The following SPECC1 variants were observed in gnomAD, a reference collection of about 807,000 sequenced individuals.
SPECC1 encodes sperm antigen with calponin homology and coiled-coil domains 1.
SPECC1 carries 62 observed loss-of-function variants against 104.1 expected under a neutral mutation model. The observed-to-expected ratio is 0.60, with a 90% CI of 0.49 to 0.74. SPECC1 has a LOEUF of 0.74. SPECC1 is among the 30% of genes least tolerant of loss of function. The pLI, the probability that SPECC1 is intolerant of heterozygous loss-of-function variation, is 0.00. For missense variants in SPECC1, 1,306 were observed against 1,310.5 expected (o/e 1.00, Z 0.05); for synonymous variants, 513 against 501.6 (o/e 1.02, Z -0.30).
At chr17:20,125,299 G>T (rs2152540900) in intron 3 of SPECC1, among the ~76,000 whole-genome samples, 1 of 152,332 alleles carries the variant, frequency 6.6e-6, no homozygotes, top group East Asian at 1.9e-4. Flanking sequence ...AGCTTCTACT[G>T]AATGCGCGTC....
chr17:20,182,746 G>C (rs1482552670), intron 3 of SPECC1, among the ~76,000 whole-genome samples: 1 of 152,178 alleles, frequency 6.6e-6, no homozygotes, highest in Non-Finnish European at 1.5e-5. Flanking sequence ...AAGTAGCTTA[G>C]AGGATAGAGG....
At chr17:20,125,196 A>C (rs958514646) in intron 3 of SPECC1, among the ~76,000 whole-genome samples, 12 of 100,042 alleles carry the variant, frequency 1.2e-4, no homozygotes, top group Non-Finnish European at 1.2e-4. Context: ...CAAAAACAAA[A>C]ACAAAACAAA....
intron 1 of SPECC1, among the ~76,000 whole-genome samples, chr17:20,046,507 C>G (rs2045543983): frequency 6.6e-6 from 1 of 152,092 alleles, no homozygotes. Context: ...ATCCCTGCCC[C>G]TCTGGAGTTT....
chr17:20,133,522 CT>C (rs1014122718), intron 3 of SPECC1, among the ~76,000 whole-genome samples: 4 of 147,302 alleles, frequency 2.7e-5, no homozygotes, highest in East Asian at 3.9e-4. Context: ...TAAGATTTTT[CT>C]TTTTTTTTTC....
intron 7 of SPECC1, 80 bp downstream of exon 7, chr17:20,232,485 A>G: frequency 2.8e-6 from 4 of 1,448,548 alleles, no homozygotes; most frequent in East Asian, 4.9e-5. Flanking sequence ...GGGACTCTTC[A>G]TGTCTGTGCC....
At chr17:20,242,008 G>T (rs1422056670) in intron 7 of SPECC1, among the ~76,000 whole-genome samples, 1 of 152,318 alleles carries the variant, frequency 6.6e-6, no homozygotes, top group South Asian at 2.1e-4. Flanking sequence ...CAGGTGTTCA[G>T]TAAAGAGACC....
At chr17:20,068,932 T>G (rs553233291) in intron 1 of SPECC1, among the ~76,000 whole-genome samples, 8 of 152,238 alleles carry the variant, frequency 5.3e-5, no homozygotes, top group African/African-American at 1.9e-4. Context: ...GCAAATGATT[T>G]CTCCCATTCT....
intron 1 of SPECC1, among the ~76,000 whole-genome samples, chr17:20,073,382 C>T (rs1448978354): frequency 1.3e-5 from 2 of 152,162 alleles, no homozygotes; most frequent in Non-Finnish European, 2.9e-5. Context: ...GAAACCCTTA[C>T]ATTTTGGAGA....
intron 12 of SPECC1, among the ~76,000 whole-genome samples, chr17:20,286,105 C>T (rs866204011): frequency 6.6e-6 from 1 of 152,112 alleles, no homozygotes; most frequent in Non-Finnish European, 1.5e-5. Context: ...TCGCACATGA[C>T]CTCCTTTTTA....
rs572107148 is a variant in SPECC1 at position 20,099,325 on chromosome 17, T to G, written c.147+2527T>G. Among the ~76,000 whole-genome samples, 3 of 152,088 alleles carry G rather than the reference T, an allele frequency of 2.0e-5. No individual in the cohort carries two copies. The East Asian group carries it at 5.8e-4, about 29-fold the overall frequency. ...AAACTTAGATTTTTAAATGAATACA[T>G]ACATTCCACAATAACAGATCATTAG... is the stretch of plus-strand genomic sequence containing the variant. On this transcript the variant is annotated intron_variant, in intron 2 of 14. Coordinates refer to ENST00000395527, the MANE Select transcript of SPECC1 (RefSeq NM_001243439.2).
intron 3 of SPECC1, among the ~76,000 whole-genome samples, chr17:20,203,524 T>A (rs1317258418): frequency 2.0e-5 from 3 of 152,256 alleles, no homozygotes; most frequent in Admixed American, 2.0e-4. Flanking sequence ...ATTTCATTTA[T>A]TCTTGTTTCT....
At chr17:20,121,732 T>A (rs918191248) in intron 3 of SPECC1, among the ~76,000 whole-genome samples, 2 of 152,194 alleles carry the variant, frequency 1.3e-5, no homozygotes, top group African/African-American at 4.8e-5. Context: ...GTTCCTTGTG[T>A]GCAGGGTCCT....
chr17:20,242,287 A>T lies in SPECC1; in HGVS notation c.2352-3639A>T, dbSNP rs79298306. Among the ~76,000 whole-genome samples the T allele has an allele frequency of 3.0e-3, 458 of 152,350 alleles. 19 individuals are homozygous for T. In the East Asian group the frequency reaches 0.085, roughly 28 times the overall value. On this transcript the variant is annotated intron_variant, in intron 7 of 14. Transcript: ENST00000395527. ...AACATAACAAGGAAAGCAGCAAATT[A>T]GAGAGGTTAAATAAAAGTTTTAAAG... is the stretch of plus-strand genomic sequence containing the variant.
intron 7 of SPECC1, chr17:20,237,144 A>C: frequency 1.5e-6 from 2 of 1,365,522 alleles, no homozygotes; most frequent in Non-Finnish European, 1.9e-6. Flanking sequence ...GCTGTCTTTT[A>C]TTTGGAGAAT....
rs144804380 is a variant in SPECC1, at chr17:20,158,970, T to G, written c.284-45363T>G. On this transcript the variant is annotated intron_variant, in intron 3 of 14. Coordinates refer to ENST00000395527, the MANE Select transcript of SPECC1 (RefSeq NM_001243439.2). ...GGATTTTGTTTTTGTTTTTGTTTTT[T>G]TTTTTGAGATGGAGGCTTGTTCTGC... Among the ~76,000 whole-genome samples, 819 of 151,952 alleles carry G rather than the reference T, an allele frequency of 5.4e-3. 6 individuals are homozygous for G. The highest frequency in any genetic ancestry group is 0.014 in the African/African-American group (591 of 41,476).
At chr17:20,102,292 CTT>C (rs2047980089) in intron 2 of SPECC1, among the ~76,000 whole-genome samples, 1 of 152,150 alleles carries the variant, frequency 6.6e-6, no homozygotes, top group Non-Finnish European at 1.5e-5. Flanking sequence ...AGTTTTTTGT[CTT>C]TATGTCCTAC....
intron 1 of SPECC1, among the ~76,000 whole-genome samples, chr17:20,075,942 G>A (rs1224161595): frequency 6.6e-6 from 1 of 152,074 alleles, no homozygotes; most frequent in Non-Finnish European, 1.5e-5. Context: ...GCAAGACCCT[G>A]TCTCAAAAAA....
intron 1 of SPECC1, among the ~76,000 whole-genome samples, chr17:20,062,779 C>T (rs1483403420): frequency 2.0e-5 from 3 of 150,934 alleles, no homozygotes; most frequent in Admixed American, 1.3e-4. Flanking sequence ...ACCTCTGCCA[C>T]CTGGGTTCAA....
intron 1 of SPECC1, among the ~76,000 whole-genome samples, chr17:20,063,348 G>A (rs924916946): frequency 6.6e-6 from 1 of 151,866 alleles, no homozygotes; most frequent in African/African-American, 2.4e-5. Context: ...GATCTGCTTT[G>A]CCTAGTTTAC....
Sources: gnomAD v4.1 joint callset for allele counts (sites outside exome capture counted in the v4.1 genomes callset) on GRCh38, gnomAD v4.1.1 for gene constraint, MANE v1.5 for transcripts, NCBI Gene and HGNC (gene_info 2026-07-23, HGNC 2026-07-21) for gene names.